CDH10: variants seen among roughly 807,000 people sequenced by gnomAD.
CDH10 encodes cadherin-10.
Under a neutral mutation model 73.1 loss-of-function variants are expected in CDH10, and 30 were observed. The observed-to-expected ratio is 0.41, with a 90% CI of 0.31 to 0.56. CDH10 has a LOEUF of 0.56. Among genes scored for constraint, CDH10 ranks in the 20% least tolerant of loss-of-function variants. CDH10 has a pLI of 0.27. For synonymous variants in CDH10, 345 were observed against 348.2 expected (o/e 0.99, Z 0.10); for missense variants, 815 against 973.7 (o/e 0.84, Z 2.17).
In CDH10 at chr5:24,491,830, A is replaced by C; in HGVS notation, c.1625-3T>G. On this transcript the variant is annotated splice_region_variant and splice_polypyrimidine_tract_variant and intron_variant, in intron 10 of 11. Transcript: ENST00000264463. The stretch of plus-strand genomic sequence containing the variant: ...GGTTAAGATTCTGGCAGTATTATCT[A>C]AAACAAATTTTAAAATATTACAAAT... 1 of 1,576,330 alleles carries C rather than the reference A, an allele frequency of 6.3e-7. No homozygotes were observed. Among genetic ancestry groups the C allele is most frequent in the Non-Finnish European group, 8.7e-7 (1 of 1,149,382 alleles).
chr5:24,516,861 C>T (rs532996498), intron 5 of CDH10, among the ~76,000 whole-genome samples: 505 of 151,338 alleles, frequency 3.3e-3, no homozygotes, highest in African/African-American at 0.012. Flanking sequence ...TGAGAAAGAA[C>T]CATAATTGTT....
rs115275629 is a variant in CDH10 at position 24,604,517 on chromosome 5, T to C, written c.-123-10904A>G. Among the ~76,000 whole-genome samples, 1,496 of 152,166 alleles carry C rather than the reference T, an allele frequency of 9.8e-3. 18 individuals carry two copies. Among genetic ancestry groups the C allele is most frequent in the African/African-American group, 0.035 (1,444 of 41,520 alleles). On this transcript the variant is annotated intron_variant, in intron 1 of 11. Transcript: ENST00000264463. The stretch of plus-strand genomic sequence containing the variant: ...CACATAAAAGAAAAAAACTGACAAA[T>C]TGCATTTGATGAAAATTAAAAGCAA...
intron 5 of CDH10, among the ~76,000 whole-genome samples, chr5:24,521,749 A>G (rs1743339805): frequency 6.6e-6 from 1 of 152,248 alleles, no homozygotes; most frequent in Non-Finnish European, 1.5e-5. Context: ...CATTGAAGTT[A>G]AGAAAATAAT....
At chr5:24,538,166 G>A (rs1271905507) in intron 2 of CDH10, among the ~76,000 whole-genome samples, 2 of 152,032 alleles carry the variant, frequency 1.3e-5, no homozygotes, top group Non-Finnish European at 2.9e-5. Flanking sequence ...AGGAGACAAA[G>A]TTCTTACTTT....
chr5:24,518,708 C>G (rs1743200072), intron 5 of CDH10, among the ~76,000 whole-genome samples: 1 of 151,880 alleles, frequency 6.6e-6, no homozygotes, highest in African/African-American at 2.4e-5. Flanking sequence ...TTTCCCTGTT[C>G]TCTGCATGTC....
intron 3 of CDH10, among the ~76,000 whole-genome samples, chr5:24,536,804 G>A (rs1046461896): frequency 6.6e-6 from 1 of 151,546 alleles, no homozygotes; most frequent in African/African-American, 2.4e-5. Flanking sequence ...TTAACCATAG[G>A]TTTTCAACTG....
chr5:24,637,021 A>T (rs569111269), intron 1 of CDH10, among the ~76,000 whole-genome samples: 2 of 152,152 alleles, frequency 1.3e-5, no homozygotes, highest in East Asian at 3.9e-4. Flanking sequence ...TATGGCTATA[A>T]ATGCAACAAT....
At chr5:24,557,419 T>C (rs17459974) in intron 2 of CDH10, among the ~76,000 whole-genome samples, 66,530 of 151,468 alleles carry the variant, frequency 0.44, 16,398 homozygotes, top group African/African-American at 0.68. Context: ...TCCATTTCAT[T>C]TTTAGTAAAA....
intron 2 of CDH10, among the ~76,000 whole-genome samples, chr5:24,552,276 C>T (rs1364761773): frequency 4.6e-5 from 7 of 152,038 alleles, no homozygotes; most frequent in South Asian, 2.1e-4. Context: ...GATTTCTTAA[C>T]ATATTCTTTT....
chr5:24,546,550 T>C (rs1044121074), intron 2 of CDH10, among the ~76,000 whole-genome samples: 17 of 152,150 alleles, frequency 1.1e-4, no homozygotes, highest in African/African-American at 3.6e-4. Flanking sequence ...TTATACTTTT[T>C]ACATGTGTGT....
At chr5:24,529,555 A>T (rs895931921) in intron 5 of CDH10, among the ~76,000 whole-genome samples, 1 of 152,026 alleles carries the variant, frequency 6.6e-6, no homozygotes, top group Admixed American at 6.6e-5. Flanking sequence ...AATCCATGGG[A>T]AATATATAGT....
chr5:24,565,867 A>G (rs1015958379), intron 2 of CDH10, among the ~76,000 whole-genome samples: 1 of 152,050 alleles, frequency 6.6e-6, no homozygotes, highest in Non-Finnish European at 1.5e-5. Flanking sequence ...TTCATCAAAA[A>G]CAATCCTGGT....
chr5:24,591,373 C>T (rs1746195213), intron 2 of CDH10, among the ~76,000 whole-genome samples: 1 of 151,926 alleles, frequency 6.6e-6, no homozygotes. Flanking sequence ...AGAGTTACAA[C>T]ACCTAAATCA....
At chr5:24,509,866 G>T (rs1053948278) in intron 6 of CDH10, 47 bp from the exon 7 acceptor site, 17 of 1,462,344 alleles carry the variant, frequency 1.2e-5, no homozygotes, top group Admixed American at 3.8e-5. Flanking sequence ...GAAATTGGAT[G>T]ATATGCTCCC....
intron 2 of CDH10, among the ~76,000 whole-genome samples, chr5:24,549,508 G>A (rs1744466879): frequency 1.3e-5 from 2 of 149,542 alleles, no homozygotes; most frequent in African/African-American, 4.9e-5. Flanking sequence ...GTAATAGTTC[G>A]TGTTTCAGTA....
intron 11 of CDH10, among the ~76,000 whole-genome samples, chr5:24,488,796 C>T (rs1259023123): frequency 2.2e-5 from 3 of 137,928 alleles, no homozygotes; most frequent in Non-Finnish European, 4.6e-5. Context: ...ATGAGACCCC[C>T]CCCCCAAAAA....
chr5:24,634,576 T>C (rs1346919291), intron 1 of CDH10, among the ~76,000 whole-genome samples: 2 of 151,772 alleles, frequency 1.3e-5, no homozygotes, highest in Non-Finnish European at 3.0e-5. Context: ...AAGAAAAAGA[T>C]AACTGTGACT....
intron 5 of CDH10, among the ~76,000 whole-genome samples, chr5:24,525,406 T>C (rs912203373): frequency 9.9e-5 from 15 of 152,074 alleles, no homozygotes; most frequent in African/African-American, 3.6e-4. Flanking sequence ...TATAATCATA[T>C]TGTAACATCG....
chr5:24,541,178 A>T (rs1015116554), intron 2 of CDH10, among the ~76,000 whole-genome samples: 1 of 152,048 alleles, frequency 6.6e-6, no homozygotes, highest in African/African-American at 2.4e-5. Context: ...TAACAGGTCT[A>T]TTGATATTGA....
Sources: allele counts gnomAD v4.1 joint callset (sites outside exome capture counted in the v4.1 genomes callset), GRCh38; gene constraint gnomAD v4.1.1; transcripts MANE v1.5; gene names NCBI Gene and HGNC (gene_info 2026-07-23, HGNC 2026-07-21).